Variants in BBS7 observed in about 807,000 individuals in gnomAD.
BBS7 encodes Bardet-Biedl syndrome 7, also known as BBSome complex member BBS7.
Under a neutral mutation model 90.3 loss-of-function variants are expected in BBS7, and 50 were observed. That is an observed-to-expected ratio of 0.55 (90% CI 0.44 to 0.70). The LOEUF (loss-of-function observed/expected upper bound fraction) is 0.70. Among genes scored for constraint, BBS7 ranks in the 30% least tolerant of loss-of-function variants. BBS7 has a pLI of 0.00. For missense variants in BBS7, 729 were observed against 838.9 expected (o/e 0.87, Z 1.62); for synonymous variants, 235 against 287.4 (o/e 0.82, Z 1.85).
At chr4:121,869,382 C>A (rs747787869) in intron 1 of BBS7, among the ~76,000 whole-genome samples, 12 of 152,164 alleles carry the variant, frequency 7.9e-5, no homozygotes, top group Non-Finnish European at 1.5e-4. Context: ...ATAGCCACTC[C>A]CTAATTTTTA....
chr4:121,833,241 T>C lies in BBS7; in HGVS notation c.1666A>G (p.Ser556Gly). ...QNTFLDTQLE[S>G]TYRKGEGVFK... Reference sequence around the variant, plus strand: ...ATAAGTTAGATTTACCTGTAGGTACTTTCAAGTTGTGTATCTAGAAAGGTG... The same window carrying C: ...ATAAGTTAGATTTACCTGTAGGTACCTTCAAGTTGTGTATCTAGAAAGGTG... The change falls in exon 15 of 19, where the codon AGT (serine) becomes GGT (glycine). Residue 556 changes from serine (S) to glycine (G), a missense_variant. Physicochemically the swap from Ser to Gly is moderately conservative, Grantham distance 56. Coordinates refer to ENST00000264499, the MANE Select transcript of BBS7 (RefSeq NM_176824.3). 6.2e-7 allele frequency: 1 copy of C among 1,613,962 alleles called. No homozygotes were observed. The highest frequency in any genetic ancestry group is 1.3e-5 in the African/African-American group (1 of 75,038).
At chr4:121,851,410 G>C in intron 8 of BBS7, among the ~76,000 whole-genome samples, 1 of 141,744 alleles carries the variant, frequency 7.1e-6, no homozygotes, top group South Asian at 2.5e-4. Flanking sequence ...AAAAAAGGAA[G>C]GAAGGAGGGA....
intron 7 of BBS7, among the ~76,000 whole-genome samples, chr4:121,853,801 C>A (rs1309561468): frequency 6.6e-6 from 1 of 151,764 alleles, no homozygotes; most frequent in South Asian, 2.1e-4. Flanking sequence ...TGACTTCCTA[C>A]AGCACCTAGA....
intron 18 of BBS7, among the ~76,000 whole-genome samples, chr4:121,826,422 T>C (rs141925504): frequency 3.3e-5 from 5 of 152,328 alleles, no homozygotes; most frequent in African/African-American, 1.2e-4. Context: ...TGAAGGCAAA[T>C]AGTCCTAGGT....
intron 1 of BBS7, among the ~76,000 whole-genome samples, chr4:121,869,448 T>G (rs575068992): frequency 6.6e-6 from 1 of 152,330 alleles, no homozygotes; most frequent in African/African-American, 2.4e-5. Context: ...TTTATAATAT[T>G]GTCTACTTTG....
intron 13 of BBS7, among the ~76,000 whole-genome samples, chr4:121,836,538 T>C (rs1360488593): frequency 6.6e-6 from 1 of 152,244 alleles, no homozygotes; most frequent in Non-Finnish European, 1.5e-5. Flanking sequence ...CAACTCATTC[T>C]TTATAGTAGC....
At chr4:121,863,141 T>G (rs1727073919) in intron 3 of BBS7, 76 bp downstream of exon 3, 3 of 1,423,074 alleles carry the variant, frequency 2.1e-6, no homozygotes, top group Non-Finnish European at 3.0e-6. Flanking sequence ...TAGGAAATTT[T>G]TAACCTAGTA....
At chr4:121,844,515 A>G (rs1320133175) in intron 11 of BBS7, among the ~76,000 whole-genome samples, 1 of 133,502 alleles carries the variant, frequency 7.5e-6, no homozygotes, top group Non-Finnish European at 1.6e-5. Flanking sequence ...ATTACTTAAG[A>G]GAGTTTTCTG....
At chr4:121,849,686 C>T (rs1416211690) in intron 8 of BBS7, among the ~76,000 whole-genome samples, 2 of 151,916 alleles carry the variant, frequency 1.3e-5, no homozygotes, top group African/African-American at 2.4e-5. Context: ...AAAAATTAGC[C>T]GGGCGTGGTG....
At chr4:121,868,716 A>AAAAAAAAAAAAAAAT (rs1727422036) in intron 1 of BBS7, among the ~76,000 whole-genome samples, 1 of 125,014 alleles carries the variant, frequency 8.0e-6, no homozygotes, top group African/African-American at 2.9e-5. Context: ...AAAAAAAAAA[A>AAAAAAAAAAAAAAAT]GAAGATTTAT....
intron 12 of BBS7, among the ~76,000 whole-genome samples, chr4:121,842,972 T>C (rs1266270253): frequency 1.3e-5 from 2 of 152,172 alleles, no homozygotes; most frequent in Non-Finnish European, 2.9e-5. Flanking sequence ...TGAAGTTTAG[T>C]ATGCATTCAA....
chr4:121,865,163 C>T (rs188688526), intron 2 of BBS7, among the ~76,000 whole-genome samples: 3 of 151,996 alleles, frequency 2.0e-5, no homozygotes, highest in Admixed American at 6.5e-5. Context: ...CTTTCTGTTC[C>T]TGGCTTATTT....
Position 121,863,229 on chromosome 4 carries a change from T to C in BBS7, c.153A>G (p.Lys51=). The part of the protein sequence containing the change: ...DGVVMCFGMK[K]GEAAAVFKTL... ...AAGCTATACTTACTGCTGCTTCTCC[T>C]TTCTTCATGCCAAAGCACATAACTA... is the stretch of plus-strand genomic sequence containing the variant. Residue 51 remains lysine, a synonymous_variant, in exon 3 of 19, where the codon AAA becomes AAG. Coordinates refer to ENST00000264499, the MANE Select transcript of BBS7 (RefSeq NM_176824.3). 1 of 1,613,850 alleles carries C rather than the reference T, an allele frequency of 6.2e-7. No homozygotes were observed. Among genetic ancestry groups the C allele is most frequent in the Admixed American group, 1.7e-5 (1 of 60,024 alleles).
chr4:121,860,027 A>G (rs1726892242), intron 4 of BBS7, among the ~76,000 whole-genome samples: 1 of 151,990 alleles, frequency 6.6e-6, no homozygotes, highest in Non-Finnish European at 1.5e-5. Flanking sequence ...GTATTCCTCT[A>G]CCTCCAAGTT....
chr4:121,850,550 C>G (rs1382007704), intron 8 of BBS7, among the ~76,000 whole-genome samples: 2 of 152,176 alleles, frequency 1.3e-5, no homozygotes, highest in African/African-American at 2.4e-5. Flanking sequence ...ATATTACAAT[C>G]TGGTATACAT....
At chr4:121,838,149 C>T (rs1725549236) in intron 13 of BBS7, among the ~76,000 whole-genome samples, 1 of 151,130 alleles carries the variant, frequency 6.6e-6, no homozygotes, top group Non-Finnish European at 1.5e-5. Context: ...TTTTACTTGA[C>T]TTTTGAATTT....
chr4:121,824,396 G>T lies in BBS7; in HGVS notation c.*1464C>A, dbSNP rs1432844931. On this transcript the variant is annotated 3_prime_UTR_variant, in exon 19 of 19. Coordinates refer to ENST00000264499, the MANE Select transcript of BBS7 (RefSeq NM_176824.3). The surrounding 1 kb of genome is among the most constrained non-coding windows in gnomAD (Gnocchi z 4.1). ...TAATGTGCATAAATTATTTAACACG[G>T]AGCTCACATAGTAATACAGTACTCA... The T allele has an allele frequency of 6.6e-6, 1 of 152,174 alleles. No individual in the cohort carries two copies. The highest frequency in any genetic ancestry group is 1.5e-5 in the Non-Finnish European group (1 of 68,028). The allele number at this position is 152,174 out of a possible 1,614,324, so 9.4% of individuals were successfully genotyped here.
intron 14 of BBS7, among the ~76,000 whole-genome samples, chr4:121,834,356 A>T (rs1386410400): frequency 6.6e-6 from 1 of 152,194 alleles, no homozygotes; most frequent in Non-Finnish European, 1.5e-5. Context: ...CTTTTAAGCA[A>T]GACAGAAAGA....
intron 15 of BBS7, among the ~76,000 whole-genome samples, chr4:121,828,972 T>C (rs555976701): frequency 1.4e-5 from 1 of 71,896 alleles, no homozygotes; most frequent in Non-Finnish European, 2.5e-5. Context: ...ACAATTTATA[T>C]AAAAACTTCA....
Sources: allele counts gnomAD v4.1 joint callset (sites outside exome capture counted in the v4.1 genomes callset), GRCh38; gene constraint gnomAD v4.1.1; non-coding constraint Gnocchi (gnomAD v3.1); transcripts MANE v1.5; gene names NCBI Gene and HGNC (gene_info 2026-07-23, HGNC 2026-07-21).